CCSER1: variants seen among roughly 807,000 people sequenced by gnomAD.
CCSER1 encodes serine-rich coiled-coil domain-containing protein 1.
A neutral mutation model predicts 82.0 loss-of-function variants in CCSER1; 41 were observed. The ratio of observed to expected loss-of-function variants is 0.50; its 90% CI spans 0.39 to 0.65. The LOEUF (loss-of-function observed/expected upper bound fraction) is 0.65. CCSER1 is among the 30% of genes least tolerant of loss of function. The pLI is 0.00. For synonymous variants in CCSER1, 414 were observed against 383.9 expected (o/e 1.08, Z -0.92); for missense variants, 1,119 against 1,064.2 (o/e 1.05, Z -0.72).
intron 10 of CCSER1, among the ~76,000 whole-genome samples, chr4:91,312,168 CATAATA>C (rs1194318767): frequency 2.0e-5 from 3 of 151,604 alleles, no homozygotes; most frequent in Non-Finnish European, 4.4e-5. Flanking sequence ...CATCTCTAAA[CATAATA>C]ATAGTAATAT....
intron 10 of CCSER1, among the ~76,000 whole-genome samples, chr4:91,530,467 G>A (rs1408716024): frequency 1.3e-5 from 2 of 151,826 alleles, no homozygotes; most frequent in African/African-American, 4.8e-5. Flanking sequence ...TGAATAAATG[G>A]ACCAATTGTA....
chr4:91,332,550 T>A (rs1747029426), intron 10 of CCSER1, among the ~76,000 whole-genome samples: 1 of 151,540 alleles, frequency 6.6e-6, no homozygotes. Flanking sequence ...TAGATACATA[T>A]AATAAATTCC....
chr4:90,909,554 T>G (rs1166920448), intron 8 of CCSER1, among the ~76,000 whole-genome samples: 1 of 152,204 alleles, frequency 6.6e-6, no homozygotes, highest in African/African-American at 2.4e-5. Context: ...CAAAGCAATT[T>G]GGATGATATT....
chr4:90,249,495 A>G (rs1325756864), intron 1 of CCSER1, among the ~76,000 whole-genome samples: 1 of 152,096 alleles, frequency 6.6e-6, no homozygotes, highest in Non-Finnish European at 1.5e-5. Context: ...CACCCACAAT[A>G]TTCTCCACTC....
intron 10 of CCSER1, among the ~76,000 whole-genome samples, chr4:91,564,661 T>A (rs1429005970): frequency 2.0e-5 from 3 of 152,056 alleles, no homozygotes; most frequent in Middle Eastern, 3.2e-3. Context: ...AGCTTTTTTT[T>A]AATGTTGTTG....
At chr4:91,425,559 A>G (rs537802271) in intron 10 of CCSER1, among the ~76,000 whole-genome samples, 117 of 152,314 alleles carry the variant, frequency 7.7e-4, no homozygotes, top group African/African-American at 2.7e-3. Context: ...ATAATTGACA[A>G]GTAATTGATA....
chr4:91,335,405 G>A (rs915451357), intron 10 of CCSER1, among the ~76,000 whole-genome samples: 3 of 152,122 alleles, frequency 2.0e-5, no homozygotes, highest in African/African-American at 7.2e-5. Context: ...AGCGGGAAGG[G>A]TGGCTGTGAA....
At chr4:90,318,606 CATT>C (rs1736578418) in intron 3 of CCSER1, among the ~76,000 whole-genome samples, 1 of 151,562 alleles carries the variant, frequency 6.6e-6, no homozygotes, top group African/African-American at 2.4e-5. Context: ...TCTCATATCA[CATT>C]TAATTTTTTG....
At chr4:90,639,294 A>G (rs181283529) in intron 6 of CCSER1, among the ~76,000 whole-genome samples, 15 of 151,940 alleles carry the variant, frequency 9.9e-5, no homozygotes, top group African/African-American at 3.4e-4. Flanking sequence ...CAATAAAATT[A>G]TCAATAATTT....
At chr4:91,584,322 G>A (rs962810190) in intron 10 of CCSER1, among the ~76,000 whole-genome samples, 1 of 151,406 alleles carries the variant, frequency 6.6e-6, no homozygotes, top group African/African-American at 2.4e-5. Context: ...AGATGTATTA[G>A]ATTGTCTATG....
In CCSER1 at chr4:90,758,020, C is replaced by A. The variant is rs560243436; in HGVS notation, c.2010+34029C>A. On this transcript the variant is annotated intron_variant, in intron 7 of 10. Transcript: ENST00000509176. ...ATGGTGCAATCTTTGCTCAACTCAA[C>A]CTCCACCTCCCAAGTTCAAGCGATT... Among the ~76,000 whole-genome samples, 59 of 151,194 alleles carry A rather than the reference C, an allele frequency of 3.9e-4. No homozygotes were observed. The South Asian group carries it at 0.012, about 30-fold the overall frequency.
chr4:90,461,955 A>G (rs1762981469), intron 4 of CCSER1, among the ~76,000 whole-genome samples: 1 of 152,232 alleles, frequency 6.6e-6, no homozygotes, highest in Admixed American at 6.5e-5. Context: ...GAATAGTTCA[A>G]TTAATGCTAC....
intron 10 of CCSER1, among the ~76,000 whole-genome samples, chr4:91,341,268 G>T: frequency 6.6e-6 from 1 of 152,132 alleles, no homozygotes; most frequent in East Asian, 1.9e-4. Context: ...GCACCATAGA[G>T]AATGGAAAAT....
chr4:90,808,876 A>G (rs962470603), intron 7 of CCSER1, among the ~76,000 whole-genome samples: 1 of 152,194 alleles, frequency 6.6e-6, no homozygotes, highest in Non-Finnish European at 1.5e-5. Flanking sequence ...AAATTCAGCA[A>G]TCTCACTACT....
intron 7 of CCSER1, among the ~76,000 whole-genome samples, chr4:90,740,475 A>G (rs1014721021): frequency 1.3e-5 from 2 of 152,178 alleles, no homozygotes. Flanking sequence ...AAGATATGCA[A>G]TATCTCTTAG....
chr4:91,337,578 C>G (rs1747409568), intron 10 of CCSER1, among the ~76,000 whole-genome samples: 1 of 152,044 alleles, frequency 6.6e-6, no homozygotes, highest in Non-Finnish European at 1.5e-5. Context: ...TGTTTGTCTG[C>G]TGAGTCTTTG....
chr4:90,163,345 G>A (rs1729833391), intron 1 of CCSER1, among the ~76,000 whole-genome samples: 1 of 151,968 alleles, frequency 6.6e-6, no homozygotes, highest in South Asian at 2.1e-4. Flanking sequence ...TCTTAAATAG[G>A]TCAGAATTAG....
rs113418908 is a variant in CCSER1, at chr4:91,510,077, T to G, written c.2218-88495T>G. Among the ~76,000 whole-genome samples the G allele has an allele frequency of 2.6e-5, 4 of 152,220 alleles. No individual in the cohort carries two copies. The South Asian group carries it at 8.3e-4, about 32-fold the overall frequency. On this transcript the variant is annotated intron_variant, in intron 10 of 10. Transcript: ENST00000509176. ...CTTATGCCCGTGAGTACCCATTGTT[T>G]AGCTCCCACTTATAAGTGAAAACAT...
intron 8 of CCSER1, among the ~76,000 whole-genome samples, chr4:90,887,564 A>G (rs1722316503): frequency 6.6e-6 from 1 of 152,190 alleles, no homozygotes; most frequent in African/African-American, 2.4e-5. Flanking sequence ...CAGAATATCT[A>G]GAAGAGATGT....
Sources: allele counts gnomAD v4.1 joint callset (sites outside exome capture counted in the v4.1 genomes callset), GRCh38; gene constraint gnomAD v4.1.1; transcripts MANE v1.5; gene names NCBI Gene and HGNC (gene_info 2026-07-23, HGNC 2026-07-21).